The following HIVEP2 variants were observed in gnomAD, a reference collection of about 807,000 sequenced individuals.
The protein encoded by HIVEP2 is HIVEP zinc finger 2.
A neutral mutation model predicts 180.7 loss-of-function variants in HIVEP2; 14 were observed. That is an observed-to-expected ratio of 0.08 (90% confidence interval 0.05 to 0.12). The LOEUF is 0.12. Ranked by LOEUF, HIVEP2 falls within the 10% of genes least tolerant of loss-of-function variation. HIVEP2 has a pLI of 1.00. For missense variants in HIVEP2, 2,579 were observed against 3,008.5 expected, an observed-to-expected ratio of 0.86 and a Z score of 3.34; for synonymous variants, 1,184 against 1,136.4, an observed-to-expected ratio of 1.04 and a Z score of -0.84.
At chr6:142,942,232 A>G (rs1387414826) in intron 1 of HIVEP2, among the ~76,000 whole-genome samples, 2 of 152,208 alleles carry the variant, frequency 1.3e-5, no homozygotes, top group Non-Finnish European at 1.5e-5. Flanking sequence ...TCAAAAGCTG[A>G]AACCCAATAC....
intron 1 of HIVEP2, among the ~76,000 whole-genome samples, chr6:142,862,482 ATATAAT>A (rs879761418): frequency 0.14 from 19,368 of 138,014 alleles, 3,229 homozygotes; most frequent in African/African-American, 0.35. Flanking sequence ...TTTATAATAC[ATATAAT>A]CGATTATATG....
At chr6:142,944,451 A>ACACC (rs1778260383) in intron 1 of HIVEP2, among the ~76,000 whole-genome samples, 1 of 146,960 alleles carries the variant, frequency 6.8e-6, no homozygotes. Context: ...ACACACGCAC[A>ACACC]CACCCAGAGC....
chr6:142,852,238 T>A (rs1775699643), intron 1 of HIVEP2, among the ~76,000 whole-genome samples: 1 of 152,196 alleles, frequency 6.6e-6, no homozygotes, highest in African/African-American at 2.4e-5. Context: ...TTAAATTTTG[T>A]TTTAACTTTA....
chr6:142,834,239 TAAAC>T (rs2114872056), intron 2 of HIVEP2, among the ~76,000 whole-genome samples: 1 of 152,228 alleles, frequency 6.6e-6, no homozygotes, highest in South Asian at 2.1e-4. Context: ...AAAGGAGAGA[TAAAC>T]AGATGAAGAA....
At chr6:142,891,941 T>C (rs1276052383) in intron 1 of HIVEP2, among the ~76,000 whole-genome samples, 2 of 152,238 alleles carry the variant, frequency 1.3e-5, no homozygotes, top group East Asian at 3.8e-4. Context: ...GCCCTGTTTA[T>C]GTCCCATTTA....
chr6:142,868,291 A>G (rs1030081715), intron 1 of HIVEP2, among the ~76,000 whole-genome samples: 3 of 152,202 alleles, frequency 2.0e-5, no homozygotes, highest in African/African-American at 7.2e-5. Flanking sequence ...ACTTCCTTTT[A>G]CCGTACAGTA....
At chr6:142,817,937 C>T (rs559518017) in intron 2 of HIVEP2, among the ~76,000 whole-genome samples, 1 of 150,020 alleles carries the variant, frequency 6.7e-6, no homozygotes, top group African/African-American at 2.5e-5. Flanking sequence ...ACCTGGGAGG[C>T]GGAGGTTGCA....
rs774159718 is a variant in HIVEP2 at position 142,770,464 on chromosome 6, T to C, written c.4275A>G (p.Leu1425=). ...TGGCCACGCTGTCAGAGGTGGAAGGTAAACACAAGGGGATGGAGGATTCTA... is the reference window on the plus strand; with the variant it reads ...TGGCCACGCTGTCAGAGGTGGAAGGCAAACACAAGGGGATGGAGGATTCTA... ...LGLESSIPLC[L]PSTSDSVATL... Residue 1425 remains leucine (L), a synonymous_variant, in exon 5 of 10, where the codon TTA becomes TTG. Coordinates refer to ENST00000367603, the MANE Select transcript of HIVEP2 (RefSeq NM_006734.4). This position sits in a 1 kb window ranked among gnomAD's most constrained non-coding sequence, Gnocchi z 4.7. 6 of 1,614,012 alleles carry C rather than the reference T, an allele frequency of 3.7e-6. No individual in the cohort carries two copies. The African/African-American group carries it at 8.0e-5, about 22-fold the overall frequency.
chr6:142,863,589 A>T (rs1258441417), intron 1 of HIVEP2, among the ~76,000 whole-genome samples: 1 of 152,234 alleles, frequency 6.6e-6, no homozygotes, highest in Non-Finnish European at 1.5e-5. Context: ...GATTTAATTG[A>T]GTTCTCAGAA....
Position 142,773,330 on chromosome 6 carries a change from A to C in HIVEP2, c.1409T>G (p.Met470Arg). ...CAGCTGTGAAACAGGATCTTCAAAC[A>C]TCTTGACATCTAACCTGGTGTTAAC... ...PHVNTRLDVK[M>R]FEDPVSQLIP... Residue 470 changes from methionine to arginine, a missense_variant, in exon 5 of 10, where the codon ATG becomes AGG. Transcript: ENST00000367603. 1 of 1,614,198 alleles carries C rather than the reference A, an allele frequency of 6.2e-7. No homozygotes were observed. The highest frequency in any genetic ancestry group is 8.5e-7 in the Non-Finnish European group (1 of 1,180,038).
At position 142,797,837 on chromosome 6, in the gene HIVEP2, G is replaced by GGTATGTATACATAGTATACA. The variant is rs1332419983; in HGVS notation, c.-527-14223_-527-14222insTGTATACTATGTATACATAC. 1.2e-3 allele frequency among the ~76,000 whole-genome samples: 177 copies of GGTATGTATACATAGTATACA among 152,162 alleles called. 1 individual carries two copies. The highest frequency in any genetic ancestry group is 4.2e-3 in the African/African-American group (173 of 41,534). On this transcript the variant is annotated intron_variant, in intron 2 of 9. Coordinates refer to ENST00000367603, the MANE Select transcript of HIVEP2 (RefSeq NM_006734.4). Reference sequence around the variant, plus strand: ...GAAATCATAGTATACATAGGATTCAGTACCCTCTATGGTTTCAGGCATTCA... The same window carrying GGTATGTATACATAGTATACA: ...GAAATCATAGTATACATAGGATTCAGGTATGTATACATAGTATACATACCCTCTATGGTTTCAGGCATTCA...
Position 142,757,115 on chromosome 6 carries a change from A to G in HIVEP2, c.6516+2657T>C, listed in dbSNP as rs187374310. Among the ~76,000 whole-genome samples the G allele has an allele frequency of 1.2e-4, 18 of 152,266 alleles. No homozygotes were observed. In the East Asian group the frequency reaches 3.5e-3, roughly 29 times the overall value. Reference sequence around the variant, plus strand: ...CCAACCTGTGTTGGCTATGATCACCATTACTCCAAACGCAGGCAGAATATG... The same window carrying G: ...CCAACCTGTGTTGGCTATGATCACCGTTACTCCAAACGCAGGCAGAATATG... On this transcript the variant is annotated intron_variant, in intron 9 of 9. Coordinates refer to ENST00000367603, the MANE Select transcript of HIVEP2 (RefSeq NM_006734.4).
chr6:142,896,925 C>T (rs931455810), intron 1 of HIVEP2, among the ~76,000 whole-genome samples: 4 of 152,142 alleles, frequency 2.6e-5, no homozygotes, highest in Non-Finnish European at 4.4e-5. Context: ...CATCTCACTC[C>T]TCCTACACAC....
intron 1 of HIVEP2, among the ~76,000 whole-genome samples, chr6:142,891,729 T>C (rs1222824417): frequency 6.6e-6 from 1 of 152,194 alleles, no homozygotes; most frequent in African/African-American, 2.4e-5. Flanking sequence ...ACCACCTAGC[T>C]TTTAAAACTC....
At chr6:142,854,599 C>T (rs944554959) in intron 1 of HIVEP2, among the ~76,000 whole-genome samples, 1 of 152,162 alleles carries the variant, frequency 6.6e-6, no homozygotes, top group Non-Finnish European at 1.5e-5. Context: ...CCAATCAAGA[C>T]AGCCGAACTT....
At chr6:142,884,978 T>C (rs568765096) in intron 1 of HIVEP2, among the ~76,000 whole-genome samples, 32 of 152,270 alleles carry the variant, frequency 2.1e-4, no homozygotes, top group Non-Finnish European at 2.9e-4. Flanking sequence ...TACCCAAGCA[T>C]ATAGAGATTA....
At chr6:142,842,744 A>G (rs1005222545) in intron 1 of HIVEP2, among the ~76,000 whole-genome samples, 6 of 150,072 alleles carry the variant, frequency 4.0e-5, no homozygotes, top group Admixed American at 3.3e-4. Flanking sequence ...CTTTAAGTGA[A>G]AAAAAAAAAG....
At chr6:142,780,021 T>C (rs1230492452) in intron 3 of HIVEP2, among the ~76,000 whole-genome samples, 1 of 152,246 alleles carries the variant, frequency 6.6e-6, no homozygotes, top group African/African-American at 2.4e-5. Flanking sequence ...AAAAAAGTCT[T>C]ATCTATCACT....
In HIVEP2 at chr6:142,770,907, T is replaced by C. The variant is rs1045050344; in HGVS notation, c.3832A>G (p.Thr1278Ala). Residue 1278 changes from threonine to alanine, a missense_variant, in exon 5 of 10, where the codon ACC becomes GCC. Coordinates refer to ENST00000367603, the MANE Select transcript of HIVEP2 (RefSeq NM_006734.4). This position sits in a 1 kb window ranked among gnomAD's most constrained non-coding sequence, Gnocchi z 4.7. The stretch of plus-strand genomic sequence containing the variant: ...GATGCTCCTGAATAACATGGGTAGG[T>C]CTGCTCTTTCGTGTGTGCATACTCA... ...PAEYAHTKEQ[T>A]YPCYSGASGL... The C allele has an allele frequency of 1.2e-6, 2 of 1,614,212 alleles. No homozygotes were observed. The highest frequency in any genetic ancestry group is 1.7e-6 in the Non-Finnish European group (2 of 1,180,036).
Sources: allele counts gnomAD v4.1 joint callset (sites outside exome capture counted in the v4.1 genomes callset), GRCh38; gene constraint gnomAD v4.1.1; non-coding constraint Gnocchi (gnomAD v3.1); transcripts MANE v1.5; gene names NCBI Gene and HGNC (gene_info 2026-07-23, HGNC 2026-07-21).